SLC16A10: variants seen among roughly 807,000 people sequenced by gnomAD.
The protein encoded by SLC16A10 is monocarboxylate transporter 10.
In SLC16A10, 27 loss-of-function variants were observed where a neutral mutation model predicts 40.0. The observed-to-expected ratio is 0.67, with a 90% CI of 0.50 to 0.93. The LOEUF (loss-of-function observed/expected upper bound fraction) is 0.93, where lower values mean the gene tolerates loss of function less well. SLC16A10 is among the 40% of genes least tolerant of loss of function. The probability of loss-of-function intolerance (pLI) is 0.00; values close to 1 mark genes in which losing one functional copy is unlikely to be tolerated. For synonymous variants in SLC16A10, 213 were observed against 249.8 expected (o/e 0.85, Z 1.39); for missense variants, 529 against 658.2 (o/e 0.80, Z 2.15).
intron 3 of SLC16A10, among the ~76,000 whole-genome samples, chr6:111,196,407 T>C (rs1198905404): frequency 6.6e-6 from 1 of 152,112 alleles, no homozygotes; most frequent in East Asian, 1.9e-4. Flanking sequence ...TCCCAGCTAC[T>C]TAGGGGGTTG....
chr6:111,123,213 A>G (rs577419138), intron 1 of SLC16A10, among the ~76,000 whole-genome samples: 7 of 151,882 alleles, frequency 4.6e-5, no homozygotes, highest in African/African-American at 1.7e-4. Context: ...TTGGAGTTTT[A>G]TTTCTTCTCT....
In SLC16A10 at chr6:111,139,094, T is replaced by TCTTC. The variant is rs1554257722; in HGVS notation, c.344-33601_344-33600insCTTC. Among the ~76,000 whole-genome samples the TCTTC allele has an allele frequency of 1.3e-3, 188 of 141,204 alleles. 2 individuals are homozygous for TCTTC. Among genetic ancestry groups the TCTTC allele is most frequent in the African/African-American group, 4.4e-3 (172 of 38,686 alleles). 92.6% of individuals were successfully genotyped at this position (141,204 alleles called of 152,430 possible). ...TGGCTTTTTTTTTTCTTCTTCTTCT[T>TCTTC]TTTTTTTTTTTTTTACTGTGAAAAA... is the stretch of plus-strand genomic sequence containing the variant. On this transcript the variant is annotated intron_variant, in intron 1 of 5. Transcript: ENST00000368851.
rs1049671792 is a variant in SLC16A10 at position 111,226,903 on chromosome 6, G to C, written c.*4668G>C. ...TCCCAGCACTTTGGGAGTCCAAGGC[G>C]GTAGGATCACCAGAGCCCAGGGTTC... On this transcript the variant is annotated 3_prime_UTR_variant, in exon 6 of 6. Coordinates refer to ENST00000368851, the MANE Select transcript of SLC16A10 (RefSeq NM_018593.5). 6.6e-6 allele frequency: 1 copy of C among 152,246 alleles called. No individual in the cohort carries two copies. The highest frequency in any genetic ancestry group is 1.9e-4 in the East Asian group (1 of 5,190). 9.4% of individuals were successfully genotyped at this position (152,246 alleles called of 1,614,324 possible).
At chr6:111,193,190 C>T (rs1279295139) in intron 3 of SLC16A10, 2 of 565,410 alleles carry the variant, frequency 3.5e-6, no homozygotes, top group African/African-American at 4.1e-5. Flanking sequence ...GACACCTTCT[C>T]TCCTTCACTT....
intron 1 of SLC16A10, among the ~76,000 whole-genome samples, chr6:111,140,525 C>A (rs1185635908): frequency 6.6e-6 from 1 of 152,064 alleles, no homozygotes; most frequent in African/African-American, 2.4e-5. Context: ...ACTCCCCCAC[C>A]ACTCTAATGA....
intron 1 of SLC16A10, among the ~76,000 whole-genome samples, chr6:111,128,143 T>G (rs888576645): frequency 2.6e-5 from 4 of 152,236 alleles, no homozygotes; most frequent in Non-Finnish European, 5.9e-5. Context: ...GTTTGTTTCT[T>G]TGAATCTTTC....
rs372870606 is a variant in SLC16A10 at position 111,222,964 on chromosome 6, C to T, written c.*729C>T. ...TACTCAAGTAGCCAGAAACACCCCA[C>T]GTTTCTGAATTTGTTTAAACTGTAA... On this transcript the variant is annotated 3_prime_UTR_variant, in exon 6 of 6. Coordinates refer to ENST00000368851, the MANE Select transcript of SLC16A10 (RefSeq NM_018593.5). The T allele has an allele frequency of 1.6e-4, 24 of 152,280 alleles. No individual in the cohort carries two copies. The highest frequency in any genetic ancestry group is 5.1e-4 in the African/African-American group (21 of 41,550). 9.4% of individuals were successfully genotyped at this position (152,280 alleles called of 1,614,324 possible). A position where few individuals can be genotyped will look rare whatever the true frequency, so the allele number is the denominator to read the frequency against.
intron 1 of SLC16A10, among the ~76,000 whole-genome samples, chr6:111,123,883 T>C (rs1474993262): frequency 2.0e-5 from 3 of 152,208 alleles, no homozygotes; most frequent in South Asian, 4.1e-4. Flanking sequence ...CTGGGAGACA[T>C]TGGCTTTAAT....
intron 3 of SLC16A10, among the ~76,000 whole-genome samples, chr6:111,193,745 C>T (rs1773034738): frequency 1.3e-5 from 2 of 151,974 alleles, no homozygotes; most frequent in Admixed American, 1.3e-4. Flanking sequence ...AATGTAGGCC[C>T]CAAACTTCTA....
intron 1 of SLC16A10, among the ~76,000 whole-genome samples, chr6:111,119,852 C>T (rs1001538948): frequency 1.3e-5 from 2 of 152,312 alleles, no homozygotes; most frequent in East Asian, 3.9e-4. Context: ...TACTGGCAGG[C>T]TTGCTGGTCT....
rs1274505585 is a variant in SLC16A10, at chr6:111,225,581, A to G, written c.*3346A>G. ...AAAAAAAAAAAGTAAAAGTACACAC[A>G]GTTTAAAAGTAAACATGTTTACTTC... is the stretch of plus-strand genomic sequence containing the variant. On this transcript the variant is annotated 3_prime_UTR_variant, in exon 6 of 6. Coordinates refer to ENST00000368851, the MANE Select transcript of SLC16A10 (RefSeq NM_018593.5). 2 of 151,880 alleles carry G rather than the reference A, an allele frequency of 1.3e-5. No homozygotes were observed. Among genetic ancestry groups the G allele is most frequent in the East Asian group, 3.9e-4 (2 of 5,190 alleles). 9.4% of individuals were successfully genotyped at this position (151,880 alleles called of 1,614,324 possible). A position where few individuals can be genotyped will look rare whatever the true frequency, so the allele number is the denominator to read the frequency against.
chr6:111,095,401 C>G (rs1002686592), intron 1 of SLC16A10, among the ~76,000 whole-genome samples: 2 of 152,142 alleles, frequency 1.3e-5, no homozygotes, highest in South Asian at 4.1e-4. Context: ...TTGGGGGTAG[C>G]TACATTTTGG....
chr6:111,135,312 T>C (rs1771857926), intron 1 of SLC16A10, among the ~76,000 whole-genome samples: 1 of 152,086 alleles, frequency 6.6e-6, no homozygotes, highest in Non-Finnish European at 1.5e-5. Context: ...AGTACCCCCT[T>C]AGACTGGAGG....
chr6:111,210,308 A>G (rs754509347), intron 4 of SLC16A10, among the ~76,000 whole-genome samples: 3 of 152,212 alleles, frequency 2.0e-5, no homozygotes, highest in African/African-American at 7.2e-5. Context: ...AGGCAGTCAC[A>G]GGACAGTCTG....
At chr6:111,110,808 A>G (rs1771371311) in intron 1 of SLC16A10, among the ~76,000 whole-genome samples, 1 of 152,216 alleles carries the variant, frequency 6.6e-6, no homozygotes, top group Non-Finnish European at 1.5e-5. Context: ...AGGCTGGCAG[A>G]TAATCAAAGC....
chr6:111,196,891 C>T (rs529506277), intron 3 of SLC16A10, among the ~76,000 whole-genome samples: 93 of 152,256 alleles, frequency 6.1e-4, no homozygotes, highest in African/African-American at 2.1e-3. Flanking sequence ...TCCATAGATA[C>T]GGGTATCTGA....
rs370952631 is a variant in SLC16A10 at position 111,146,731 on chromosome 6, C to T, written c.344-25964C>T. The stretch of plus-strand genomic sequence containing the variant: ...CAGCCTGGGCAACAGAGCGAGACTC[C>T]GTCTCAAAAAAAAAAAAGATATATA... On this transcript the variant is annotated intron_variant, in intron 1 of 5. Coordinates refer to ENST00000368851, the MANE Select transcript of SLC16A10 (RefSeq NM_018593.5). Among the ~76,000 whole-genome samples, 37 of 148,214 alleles carry T rather than the reference C, an allele frequency of 2.5e-4. No individual in the cohort carries two copies. The East Asian group carries it at 2.7e-3, about 11-fold the overall frequency.
chr6:111,165,830 G>C (rs1169240977), intron 1 of SLC16A10, among the ~76,000 whole-genome samples: 2 of 152,222 alleles, frequency 1.3e-5, no homozygotes, highest in Admixed American at 1.3e-4. Flanking sequence ...TAGCCAGAAA[G>C]TACTCATTCC....
rs760991655 is a variant in SLC16A10, at chr6:111,229,136, G to C, written c.*6901G>C. The C allele has an allele frequency of 2.0e-5, 3 of 151,244 alleles. No homozygotes were observed. Among genetic ancestry groups the C allele is most frequent in the African/African-American group, 7.3e-5 (3 of 41,152 alleles). The allele number at this position is 151,244 out of a possible 1,614,324, so 9.4% of individuals were successfully genotyped here. On this transcript the variant is annotated 3_prime_UTR_variant, in exon 6 of 6. Transcript: ENST00000368851. ...TACCAAAGATTATTAGATCAAGATTGGTGCTATACTTCATGTTCCTTTCAA... is the reference window on the plus strand; with the variant it reads ...TACCAAAGATTATTAGATCAAGATTCGTGCTATACTTCATGTTCCTTTCAA...
Sources: gnomAD v4.1 joint callset for allele counts (sites outside exome capture counted in the v4.1 genomes callset) on GRCh38, gnomAD v4.1.1 for gene constraint, MANE v1.5 for transcripts, NCBI Gene and HGNC (gene_info 2026-07-23, HGNC 2026-07-21) for gene names.